Variants in STK33 observed in about 807,000 individuals in gnomAD.
The protein encoded by STK33 is serine/threonine kinase 33.
Under a neutral mutation model 58.0 loss-of-function variants are expected in STK33, and 52 were observed. The observed-to-expected ratio is 0.90, with a 90% CI of 0.72 to 1.13. The LOEUF is 1.13. STK33 is among the 50% of genes most tolerant of loss of function. The probability of loss-of-function intolerance (pLI) is 0.00; values close to 1 mark genes in which losing one functional copy is unlikely to be tolerated. For synonymous variants in STK33, 215 were observed against 200.1 expected (o/e 1.07, Z -0.63); for missense variants, 630 against 604.2 (o/e 1.04, Z -0.45).
At chr11:8,511,925 G>A (rs1028822470) in intron 1 of STK33, among the ~76,000 whole-genome samples, 4 of 151,960 alleles carry the variant, frequency 2.6e-5, no homozygotes, top group African/African-American at 7.2e-5. Flanking sequence ...ATATTTTAAA[G>A]TATTGCCCTT....
In STK33 at chr11:8,589,855, G is replaced by T. The variant is rs144253962; in HGVS notation, c.-466+4228C>A. The stretch of plus-strand genomic sequence containing the variant: ...ATAAACTGAAAACCAAAATAAAGAA[G>T]ATTGAGAGAAAAATTAATTGGATTT... On this transcript the variant is annotated intron_variant, in intron 1 of 15. Transcript: ENST00000687296. Among the ~76,000 whole-genome samples the T allele has an allele frequency of 3.0e-4, 46 of 152,194 alleles. No homozygotes were observed. In the East Asian group the frequency reaches 7.9e-3, roughly 26 times the overall value.
the STK33 span, among the ~76,000 whole-genome samples, chr11:8,341,288 G>C: frequency 6.6e-6 from 1 of 152,226 alleles, no homozygotes; most frequent in African/African-American, 2.4e-5. Context: ...TGCTTTATCA[G>C]AGGACAGCGA....
At chr11:8,344,748 C>T in the STK33 span, among the ~76,000 whole-genome samples, 4 of 152,278 alleles carry the variant, frequency 2.6e-5, no homozygotes, top group Non-Finnish European at 5.9e-5. Flanking sequence ...CATTACTGCA[C>T]ACCCCTTTGC....
intron 14 of STK33, among the ~76,000 whole-genome samples, chr11:8,431,958 T>C (rs1422257461): frequency 1.3e-5 from 2 of 152,208 alleles, no homozygotes; most frequent in Admixed American, 1.3e-4. Flanking sequence ...TCTTAAGTCA[T>C]TTATCATTTT....
the STK33 span, among the ~76,000 whole-genome samples, chr11:8,358,268 C>T: frequency 6.7e-6 from 1 of 148,838 alleles, no homozygotes; most frequent in Non-Finnish European, 1.5e-5. Context: ...GGGGGAGTCC[C>T]AGCTTGGGGT....
At chr11:8,486,065 G>A (rs1428815311) in intron 1 of STK33, among the ~76,000 whole-genome samples, 2 of 152,010 alleles carry the variant, frequency 1.3e-5, no homozygotes, top group East Asian at 3.9e-4. Context: ...CTCTTGCCTG[G>A]ATTACTGCAA....
At chr11:8,542,062 G>C (rs1481398289) in intron 1 of STK33, among the ~76,000 whole-genome samples, 2 of 152,190 alleles carry the variant, frequency 1.3e-5, no homozygotes, top group East Asian at 3.8e-4. Context: ...ATTTTTAAAG[G>C]AGGAAAAATA....
At chr11:8,577,223 A>G (rs1384769721) in intron 1 of STK33, among the ~76,000 whole-genome samples, 2 of 152,200 alleles carry the variant, frequency 1.3e-5, no homozygotes, top group Non-Finnish European at 1.5e-5. Flanking sequence ...CTAAAAAGCT[A>G]TATTTCTGGA....
the STK33 span, among the ~76,000 whole-genome samples, chr11:8,367,059 T>G: frequency 6.6e-6 from 1 of 152,272 alleles, no homozygotes; most frequent in East Asian, 1.9e-4. Context: ...ATTCTATGTC[T>G]GCATTGTGCA....
At chr11:8,474,369 T>C (rs1006716748) in intron 5 of STK33, among the ~76,000 whole-genome samples, 1 of 152,034 alleles carries the variant, frequency 6.6e-6, no homozygotes, top group Non-Finnish European at 1.5e-5. Flanking sequence ...TTGAAGAAAA[T>C]ACTCAAAAAT....
chr11:8,516,384 T>C (rs1048460422), intron 1 of STK33, among the ~76,000 whole-genome samples: 2 of 152,318 alleles, frequency 1.3e-5, no homozygotes, highest in South Asian at 2.1e-4. Flanking sequence ...GGCAGATTCC[T>C]AGATGGCCGA....
intron 11 of STK33, among the ~76,000 whole-genome samples, chr11:8,450,063 C>G (rs1301542570): frequency 6.6e-6 from 1 of 152,062 alleles, no homozygotes; most frequent in Non-Finnish European, 1.5e-5. Context: ...TATATATATA[C>G]CCAAAGGATT....
chr11:8,476,263 T>A (rs1184613717), intron 4 of STK33, among the ~76,000 whole-genome samples: 1 of 152,162 alleles, frequency 6.6e-6, no homozygotes, highest in East Asian at 1.9e-4. Flanking sequence ...AAAGCTGCAC[T>A]TAAAAGAAAA....
intron 14 of STK33, among the ~76,000 whole-genome samples, chr11:8,416,805 T>C (rs984238068): frequency 6.6e-6 from 1 of 152,160 alleles, no homozygotes; most frequent in African/African-American, 2.4e-5. Flanking sequence ...CTATTTCCTA[T>C]GTGGAAATTT....
chr11:8,402,304 T>C (rs574810593), intron 15 of STK33, among the ~76,000 whole-genome samples: 2 of 152,202 alleles, frequency 1.3e-5, no homozygotes, highest in Admixed American at 1.3e-4. Flanking sequence ...GATGAGTTCA[T>C]GTCCTTTGTA....
At chr11:8,389,108 C>G (rs1465817346), downstream of STK33, among the ~76,000 whole-genome samples, 3 of 152,206 alleles carry the variant, frequency 2.0e-5, no homozygotes, top group Non-Finnish European at 4.4e-5. Flanking sequence ...GAGGATTTAA[C>G]AGAGACTGTT....
At chr11:8,471,297 A>G (rs1283693404) in intron 6 of STK33, among the ~76,000 whole-genome samples, 2 of 152,224 alleles carry the variant, frequency 1.3e-5, no homozygotes, top group Non-Finnish European at 2.9e-5. Flanking sequence ...AGTTTTTTAC[A>G]AACTAATCAC....
chr11:8,349,905 G>A, the STK33 span, among the ~76,000 whole-genome samples: 1 of 152,206 alleles, frequency 6.6e-6, no homozygotes, highest in Admixed American at 6.5e-5. Context: ...CATAAATCAT[G>A]TGCGTCCTCA....
chr11:8,477,072 C>T (rs1054598714), intron 3 of STK33, among the ~76,000 whole-genome samples, 178 bp downstream of exon 3: 2 of 151,186 alleles, frequency 1.3e-5, no homozygotes, highest in Non-Finnish European at 2.9e-5. Context: ...AGTATGAGGA[C>T]AGGTACATTA....
Sources: gnomAD v4.1 joint callset for allele counts (sites outside exome capture counted in the v4.1 genomes callset) on GRCh38, gnomAD v4.1.1 for gene constraint, MANE v1.5 for transcripts, NCBI Gene and HGNC (gene_info 2026-07-23, HGNC 2026-07-21) for gene names.